The following CES1 variants were observed in gnomAD, a reference collection of about 807,000 sequenced individuals.
CES1 encodes carboxylesterase 1, also known as liver carboxylesterase 1.
Under a neutral mutation model 53.0 loss-of-function variants are expected in CES1, and 50 were observed. The observed-to-expected ratio is 0.94, with a 90% CI of 0.75 to 1.19. The LOEUF (loss-of-function observed/expected upper bound fraction) is 1.19. Among genes scored for constraint, CES1 ranks in the 50% most tolerant of loss-of-function variants. The pLI, the probability that CES1 is intolerant of heterozygous loss-of-function variation, is 0.00. For synonymous variants in CES1, 202 were observed against 210.1 expected (o/e 0.96, Z 0.33); for missense variants, 534 against 538.0 (o/e 0.99, Z 0.07).
At chr16:55,827,498 T>G (rs2032465136) in intron 2 of CES1, among the ~76,000 whole-genome samples, 1 of 152,036 alleles carries the variant, frequency 6.6e-6, no homozygotes, top group African/African-American at 2.4e-5. Flanking sequence ...GGGAGGAGTG[T>G]AGTTGGAATA....
chr16:55,809,111 AG>A (rs1465583441), intron 11 of CES1, among the ~76,000 whole-genome samples: 1 of 150,120 alleles, frequency 6.7e-6, no homozygotes, highest in Non-Finnish European at 1.5e-5. Flanking sequence ...AAAAAAAAAA[AG>A]CCCTGAACTT....
intron 5 of CES1, 46 bp downstream of exon 5, chr16:55,821,322 G>A (rs1485406468): frequency 6.2e-7 from 1 of 1,611,968 alleles, no homozygotes; most frequent in Non-Finnish European, 8.5e-7. Context: ...GGTCTCATCA[G>A]CATCACATCA....
At chr16:55,828,458 C>G (rs1157102575) in intron 2 of CES1, among the ~76,000 whole-genome samples, 90 of 152,320 alleles carry the variant, frequency 5.9e-4, no homozygotes, top group African/African-American at 2.1e-3. Context: ...ACATAATCCA[C>G]GGAGTAATTT....
At position 55,823,367 on chromosome 16, in the gene CES1, C is replaced by T. The variant is rs534520449; in HGVS notation, c.539+183G>A. On this transcript the variant is annotated intron_variant, in intron 4 of 13. Transcript: ENST00000360526. Reference sequence around the variant, plus strand: ...GCAGAGGGAACAGCACATGCAAAAGCTCAGAGGCAAGTGGATGAGTGGCTG... The same window carrying T: ...GCAGAGGGAACAGCACATGCAAAAGTTCAGAGGCAAGTGGATGAGTGGCTG... Among the ~76,000 whole-genome samples, 3 of 152,152 alleles carry T rather than the reference C, an allele frequency of 2.0e-5. No individual in the cohort carries two copies. In the East Asian group the frequency reaches 5.8e-4, roughly 29 times the overall value.
At chr16:55,812,142 C>T (rs138286711) in intron 9 of CES1, among the ~76,000 whole-genome samples, 2 of 152,368 alleles carry the variant, frequency 1.3e-5, no homozygotes, top group East Asian at 1.9e-4. Context: ...CTGAATAAAT[C>T]TGTCCTACTG....
Position 55,810,631 on chromosome 16 carries a change from C to T in CES1, c.1204G>A (p.Glu402Lys). ...IAKELIPEAT[E>K]KYLGGTDDTV... ...TCGTCTGTTCCTCCTAAGTATTTCT[C>T]AGTGGCTTCTGGAATCAGTTCCTTA... Residue 402 changes from glutamate (E) to lysine (K), a missense_variant, in exon 11 of 14, where the codon GAG becomes AAG. Physicochemically the swap from Glu to Lys is moderately conservative, Grantham distance 56. Transcript: ENST00000360526. 1.2e-6 allele frequency: 2 copies of T among 1,614,156 alleles called. No homozygotes were observed. Among genetic ancestry groups the T allele is most frequent in the Non-Finnish European group, 1.7e-6 (2 of 1,180,016 alleles).
At chr16:55,811,946 T>C (rs2031717727) in intron 9 of CES1, among the ~76,000 whole-genome samples, 1 of 152,020 alleles carries the variant, frequency 6.6e-6, no homozygotes, top group African/African-American at 2.4e-5. Flanking sequence ...ATAAGAGGAG[T>C]TTGTTTCTGC....
Position 55,821,464 on chromosome 16 carries a change from C to T in CES1, c.597G>A (p.Leu199=), listed in dbSNP as rs1298750499. The T allele has an allele frequency of 6.2e-6, 10 of 1,614,078 alleles. No individual in the cohort carries two copies. Among genetic ancestry groups the T allele is most frequent in the African/African-American group, 1.3e-5 (1 of 74,912 alleles). Residue 199 remains leucine, a synonymous_variant, in exon 5 of 14, where the codon CTG becomes CTA. Coordinates refer to ENST00000360526, the MANE Select transcript of CES1 (RefSeq NM_001025195.2). Reference sequence around the variant, plus strand: ...TGGCAATGTTGTCCTGGACCCAGCGCAGGGCAGCCACCTGGTCCAGGTGAC... The same window carrying T: ...TGGCAATGTTGTCCTGGACCCAGCGTAGGGCAGCCACCTGGTCCAGGTGAC... ...NWGHLDQVAA[L]RWVQDNIASF... is the part of the protein sequence containing the mutation.
chr16:55,830,964 G>C (rs1315762355), intron 1 of CES1, among the ~76,000 whole-genome samples: 1 of 152,162 alleles, frequency 6.6e-6, no homozygotes, highest in Admixed American at 6.5e-5. Flanking sequence ...TGTAATGCTG[G>C]ATCCCTGTTT....
At chr16:55,810,863 G>C in intron 10 of CES1, 64 bp downstream of exon 10, 1 of 1,488,192 alleles carries the variant, frequency 6.7e-7, no homozygotes, top group Middle Eastern at 2.0e-4. Flanking sequence ...ATTGCTCTAT[G>C]ATTTGGGCAA....
chr16:55,820,965 G>A (rs142406459), intron 5 of CES1, among the ~76,000 whole-genome samples: 2,692 of 152,194 alleles, frequency 0.018, 45 homozygotes, highest in Non-Finnish European at 0.03. Flanking sequence ...AATGACCTCT[G>A]TCCACCTCTT....
Position 55,818,240 on chromosome 16 carries a change from G to A in CES1, c.907-1278C>T, listed in dbSNP as rs552778041. ...TGTCATCTGGGTGTTTGTCCTCCTG[G>A]TCTTCCCTGTGATGAGAGACTGCCA... On this transcript the variant is annotated intron_variant, in intron 7 of 13. Coordinates refer to ENST00000360526, the MANE Select transcript of CES1 (RefSeq NM_001025195.2). 4.6e-5 allele frequency among the ~76,000 whole-genome samples: 7 copies of A among 152,268 alleles called. No homozygotes were observed. The South Asian group carries it at 1.2e-3, about 27-fold the overall frequency.
intron 2 of CES1, among the ~76,000 whole-genome samples, chr16:55,827,289 T>TAATAATAAC (rs1555513633): frequency 5.2e-4 from 77 of 148,954 alleles, no homozygotes; most frequent in African/African-American, 1.8e-3. Flanking sequence ...ATAATAATAA[T>TAATAATAAC]AATAATAATA....
At chr16:55,832,363 T>G (rs1239650766) in intron 1 of CES1, among the ~76,000 whole-genome samples, 1 of 152,244 alleles carries the variant, frequency 6.6e-6, no homozygotes, top group Non-Finnish European at 1.5e-5. Context: ...TATAGTGGCC[T>G]GACCACAGCT....
intron 3 of CES1, among the ~76,000 whole-genome samples, chr16:55,825,651 C>T (rs1213254133): frequency 2.6e-5 from 4 of 152,244 alleles, no homozygotes; most frequent in African/African-American, 7.2e-5. Flanking sequence ...AGGCCACATA[C>T]AAGCTCAATG....
At chr16:55,826,691 C>T (rs1268558312) in intron 2 of CES1, among the ~76,000 whole-genome samples, 1 of 152,134 alleles carries the variant, frequency 6.6e-6, no homozygotes, top group Admixed American at 6.5e-5. Context: ...TATGGGGTGA[C>T]CTTGGGTGAA....
chr16:55,818,944 A>G (rs193002799), intron 7 of CES1, among the ~76,000 whole-genome samples: 19 of 152,358 alleles, frequency 1.2e-4, no homozygotes, highest in African/African-American at 4.6e-4. Context: ...GAAAATAGAT[A>G]AATACAAAGT....
At position 55,833,079 on chromosome 16, in the gene CES1, G is replaced by T; in HGVS notation, c.-24C>A. The T allele has an allele frequency of 6.5e-7, 1 of 1,545,186 alleles. No homozygotes were observed. The highest frequency in any genetic ancestry group is 8.9e-7 in the Non-Finnish European group (1 of 1,124,766). On this transcript the variant is annotated 5_prime_UTR_variant, in exon 1 of 14. Coordinates refer to ENST00000360526, the MANE Select transcript of CES1 (RefSeq NM_001025195.2). ...ATCGTGGAAGGGCGACAGTTCTCGG[G>T]GCCTGCGAGGTCTCTGTGCAGTTCA...
rs2031662303 is a variant in CES1 at position 55,810,929 on chromosome 16, C to T, written c.1168G>A (p.Val390Ile). The change falls in exon 10 of 14, where the codon GTT becomes ATT. Residue 390 changes from valine (V) to isoleucine (I), a missense_variant and splice_region_variant. Physicochemically the swap from Val to Ile is conservative, Grantham distance 29 (BLOSUM62 3). Coordinates refer to ENST00000360526, the MANE Select transcript of CES1 (RefSeq NM_001025195.2). Reference sequence around the variant, plus strand: ...TCCCATGATTCCTAGACTCTTACAACAAGGGGATAGGACTTCCACAGGAGT... The same window carrying T: ...TCCCATGATTCCTAGACTCTTACAATAAGGGGATAGGACTTCCACAGGAGT... The part of the protein sequence containing the change: ...MSLLWKSYPL[V>I]CIAKELIPEA... The T allele has an allele frequency of 6.2e-7, 1 of 1,612,692 alleles. No homozygotes were observed. The highest frequency in any genetic ancestry group is 1.3e-5 in the African/African-American group (1 of 74,730).
Sources: allele counts gnomAD v4.1 joint callset (sites outside exome capture counted in the v4.1 genomes callset), GRCh38; gene constraint gnomAD v4.1.1; transcripts MANE v1.5; gene names NCBI Gene and HGNC (gene_info 2026-07-23, HGNC 2026-07-21).